The following TMEM161B variants were observed in gnomAD, a reference collection of about 807,000 sequenced individuals.
TMEM161B encodes transmembrane protein 161B.
In TMEM161B, 34 loss-of-function variants were observed where a neutral mutation model predicts 61.8. The ratio of observed to expected loss-of-function variants is 0.55; its 90% CI spans 0.42 to 0.73. TMEM161B has a LOEUF of 0.73. TMEM161B is among the 30% of genes least tolerant of loss of function. The pLI, the probability that TMEM161B is intolerant of heterozygous loss-of-function variation, is 0.00. For missense variants in TMEM161B, 456 were observed against 558.5 expected (o/e 0.82, Z 1.85); for synonymous variants, 167 against 192.8 (o/e 0.87, Z 1.11).
intron 8 of TMEM161B, among the ~76,000 whole-genome samples, chr5:88,205,428 T>G (rs1745275069): frequency 6.6e-6 from 1 of 152,070 alleles, no homozygotes; most frequent in African/African-American, 2.4e-5. Flanking sequence ...ATTAAAAAGT[T>G]AATTTAAATA....
downstream of TMEM161B, among the ~76,000 whole-genome samples, chr5:88,191,028 A>C (rs2112298102): frequency 6.6e-6 from 1 of 152,348 alleles, no homozygotes; most frequent in East Asian, 1.9e-4. Context: ...ATTTTAAAAT[A>C]ACACAGGCAT....
At position 88,197,650 on chromosome 5, in the gene TMEM161B, G is replaced by A; in HGVS notation, c.1186+19C>T. 3 of 1,597,306 alleles carry A rather than the reference G, an allele frequency of 1.9e-6. No individual in the cohort carries two copies. Among genetic ancestry groups the A allele is most frequent in the Non-Finnish European group, 2.6e-6 (3 of 1,170,600 alleles). On this transcript the variant is annotated intron_variant, in intron 11 of 11. Transcript: ENST00000296595. ...GGTAGAAAGTAAAAGATGCTTCCTA[G>A]TTGCCAGGGCATGCCTACCTAGTGT...
chr5:88,210,646 C>T (rs1464569134), intron 5 of TMEM161B, among the ~76,000 whole-genome samples: 2 of 152,150 alleles, frequency 1.3e-5, no homozygotes, highest in African/African-American at 4.8e-5. Flanking sequence ...GTAGTACTCA[C>T]CTTGGAAACA....
At chr5:88,189,679 G>C (rs769722341) in exon 13 of TMEM161B, 7 of 171,340 alleles carry the variant, frequency 4.1e-5, no homozygotes, top group Non-Finnish European at 6.2e-5. Flanking sequence ...GCCTGTAGCT[G>C]TCGCTGTAAC....
intron 5 of TMEM161B, among the ~76,000 whole-genome samples, chr5:88,207,420 G>A (rs1745729908): frequency 1.3e-5 from 2 of 152,116 alleles, no homozygotes; most frequent in South Asian, 4.1e-4. Flanking sequence ...TATGCAGTAT[G>A]TTCTCAGTGA....
chr5:88,233,314 C>T (rs1337466641), intron 2 of TMEM161B, among the ~76,000 whole-genome samples: 3 of 152,142 alleles, frequency 2.0e-5, no homozygotes, highest in African/African-American at 7.2e-5. Context: ...TGAGGAAAAA[C>T]TTCTCTGAGA....
chr5:88,261,682 A>C (rs1354243425), intron 1 of TMEM161B, among the ~76,000 whole-genome samples: 3 of 149,978 alleles, frequency 2.0e-5, no homozygotes, highest in Admixed American at 6.7e-5. Context: ...AAAAAAAAAA[A>C]CAAACAAATT....
intron 2 of TMEM161B, among the ~76,000 whole-genome samples, chr5:88,233,603 A>G (rs1036964219): frequency 6.6e-6 from 1 of 152,142 alleles, no homozygotes; most frequent in African/African-American, 2.4e-5. Context: ...ACATTTTAAG[A>G]TCCCTTTGGT....
Position 88,268,774 on chromosome 5 carries a change from C to T in TMEM161B, c.-51G>A, listed in dbSNP as rs759470523. 1.1e-5 allele frequency: 17 copies of T among 1,613,560 alleles called. No individual in the cohort carries two copies. In the South Asian group the frequency reaches 1.9e-4, roughly 18 times the overall value. ...GACACCCTGGAGTTGCCGGGGCAGT[C>T]CCAAACCTCTTACCTCCCGGTCCTT... On this transcript the variant is annotated 5_prime_UTR_variant, in exon 1 of 12. Coordinates refer to ENST00000296595, the MANE Select transcript of TMEM161B (RefSeq NM_153354.5).
At chr5:88,243,545 T>A (rs1753094281) in intron 1 of TMEM161B, among the ~76,000 whole-genome samples, 1 of 151,920 alleles carries the variant, frequency 6.6e-6, no homozygotes, top group African/African-American at 2.4e-5. Flanking sequence ...TGAATAGTGC[T>A]GCAATGAACA....
intron 2 of TMEM161B, among the ~76,000 whole-genome samples, chr5:88,234,160 T>C (rs1206113653): frequency 6.6e-6 from 1 of 152,048 alleles, no homozygotes; most frequent in Non-Finnish European, 1.5e-5. Context: ...GTGTGTGTGG[T>C]AACAGGAATA....
At chr5:88,231,071 G>A (rs1750905881) in intron 2 of TMEM161B, among the ~76,000 whole-genome samples, 2 of 152,102 alleles carry the variant, frequency 1.3e-5, no homozygotes, top group African/African-American at 4.8e-5. Context: ...AATTCCTGTT[G>A]GTTAACACAT....
chr5:88,261,905 T>C (rs1755740193), intron 1 of TMEM161B, among the ~76,000 whole-genome samples: 1 of 151,970 alleles, frequency 6.6e-6, no homozygotes, highest in African/African-American at 2.4e-5. Flanking sequence ...AAAGGCATGA[T>C]CCATGAAAGA....
intron 1 of TMEM161B, among the ~76,000 whole-genome samples, chr5:88,257,975 T>A (rs373164668): frequency 1.3e-5 from 2 of 152,202 alleles, no homozygotes; most frequent in African/African-American, 4.8e-5. Flanking sequence ...ATTTTCTTTA[T>A]AACCTGAACA....
At chr5:88,258,315 C>A (rs966299780) in intron 1 of TMEM161B, among the ~76,000 whole-genome samples, 2 of 152,044 alleles carry the variant, frequency 1.3e-5, no homozygotes, top group Admixed American at 1.3e-4. Flanking sequence ...CTGCTATATT[C>A]GACACGCAAT....
At chr5:88,229,613 A>C (rs1240182975) in intron 2 of TMEM161B, among the ~76,000 whole-genome samples, 1 of 150,872 alleles carries the variant, frequency 6.6e-6, no homozygotes, top group Non-Finnish European at 1.5e-5. Flanking sequence ...AAAAGCAATG[A>C]ATAAGGCAGC....
chr5:88,233,444 A>G (rs773227238), intron 2 of TMEM161B, among the ~76,000 whole-genome samples: 1 of 152,180 alleles, frequency 6.6e-6, no homozygotes, highest in Non-Finnish European at 1.5e-5. Context: ...CTAAAAGGCA[A>G]TGAGGCAAGA....
At chr5:88,185,982 A>G (rs968892607), downstream of TMEM161B, among the ~76,000 whole-genome samples, 4 of 152,196 alleles carry the variant, frequency 2.6e-5, no homozygotes, top group Admixed American at 6.5e-5. Flanking sequence ...TCTTCCACTT[A>G]AAACACATTT....
chr5:88,189,732 A>G, exon 13 of TMEM161B: 1 of 212,104 alleles, frequency 4.7e-6, no homozygotes, highest in East Asian at 1.1e-4. Context: ...AAGTCCCCAC[A>G]ATATGGGAGG....
Sources: gnomAD v4.1 joint callset for allele counts (sites outside exome capture counted in the v4.1 genomes callset) on GRCh38, gnomAD v4.1.1 for gene constraint, MANE v1.5 for transcripts, NCBI Gene and HGNC (gene_info 2026-07-23, HGNC 2026-07-21) for gene names.